The following MID1 variants were observed in gnomAD, a reference collection of about 807,000 sequenced individuals.
MID1 encodes the protein midline 1.
In MID1, 7 loss-of-function variants were observed where a neutral mutation model predicts 40.4. That is an observed-to-expected ratio of 0.17 (90% CI 0.10 to 0.33). MID1 has a LOEUF of 0.33. Ranked by LOEUF, MID1 falls within the 10% of genes least tolerant of loss-of-function variation. The pLI is 1.00. For missense variants in MID1, 367 were observed against 558.5 expected, an observed-to-expected ratio of 0.66 and a Z score of 3.46; for synonymous variants, 229 against 221.2, an observed-to-expected ratio of 1.04 and a Z score of -0.31.
chrX:10,505,345 G>A (rs1931777214), intron 3 of MID1: 1 of 751,564 alleles, frequency 1.3e-6, no homozygotes, highest in South Asian at 6.8e-5. Context: ...TTCTTTTTGT[G>A]TTTAATGGTA....
intron 1 of MID1, among the ~76,000 whole-genome samples, chrX:10,637,573 C>T (rs1203968643): frequency 2.5e-4 from 27 of 107,084 alleles, no homozygotes; most frequent in Non-Finnish European, 3.3e-4. Flanking sequence ...TGGAGTGAGC[C>T]GAGATTGCAC....
intron 3 of MID1, 60 bp from the exon 4 acceptor site, chrX:10,495,751 T>A: frequency 1.3e-6 from 1 of 755,577 alleles, no homozygotes; most frequent in African/African-American, 2.0e-5. Flanking sequence ...TTAAGTGCTA[T>A]TTTTAATGTA....
intron 1 of MID1, among the ~76,000 whole-genome samples, chrX:10,681,020 T>C (rs2043055661): frequency 1.1e-5 from 1 of 89,128 alleles, no homozygotes; most frequent in African/African-American, 4.2e-5. Flanking sequence ...AGCCAGACCC[T>C]GTCTCAATAA....
chrX:10,560,395 T>A (rs778305739), intron 2 of MID1, among the ~76,000 whole-genome samples: 5 of 111,212 alleles, frequency 4.5e-5, no homozygotes, highest in Admixed American at 9.6e-5. Context: ...GAGAAAGAAA[T>A]GATGGGTATT....
chrX:10,643,119 C>G (rs1270168586), intron 1 of MID1, among the ~76,000 whole-genome samples: 1 of 111,610 alleles, frequency 9.0e-6, no homozygotes, highest in Non-Finnish European at 1.9e-5. Context: ...GACTTCATGT[C>G]TAAAACACCA....
At chrX:10,484,598 G>T (rs1788864696) in intron 4 of MID1, among the ~76,000 whole-genome samples, 1 of 112,269 alleles carries the variant, frequency 8.9e-6, no homozygotes, top group Non-Finnish European at 1.9e-5. Context: ...TTTAGTTATA[G>T]GTTAGTGTAC....
At chrX:10,680,880 T>TA (rs1413762564) in intron 1 of MID1, among the ~76,000 whole-genome samples, 1 of 107,992 alleles carries the variant, frequency 9.3e-6, no homozygotes, top group Non-Finnish European at 1.9e-5. Flanking sequence ...AAAATAAAAA[T>TA]AAAAAAATGC....
chrX:10,519,890 A>G (rs1377174480), intron 3 of MID1, among the ~76,000 whole-genome samples: 1 of 112,194 alleles, frequency 8.9e-6, no homozygotes, highest in East Asian at 2.8e-4. Context: ...CAAGGGGAGC[A>G]CTTGTAAGTA....
intron 2 of MID1, among the ~76,000 whole-genome samples, chrX:10,546,809 C>T (rs1341932642): frequency 1.8e-5 from 2 of 112,031 alleles, no homozygotes; most frequent in Non-Finnish European, 3.8e-5. Flanking sequence ...GTGGAGTGAG[C>T]AAACTTAGGT....
At chrX:10,713,543 G>A (rs2043282598) in intron 1 of MID1, among the ~76,000 whole-genome samples, 1 of 111,121 alleles carries the variant, frequency 9.0e-6, no homozygotes, top group Admixed American at 9.5e-5. Context: ...GCCCAGGCTG[G>A]TCTCAAACTC....
chrX:10,570,525 C>G (rs943215621), intron 1 of MID1, among the ~76,000 whole-genome samples: 2 of 112,523 alleles, frequency 1.8e-5, no homozygotes, highest in Non-Finnish European at 3.7e-5. Context: ...TAGAACAGCA[C>G]TCAGCACACA....
chrX:10,486,506 A>C (rs1485974249), intron 4 of MID1, among the ~76,000 whole-genome samples: 1 of 111,625 alleles, frequency 9.0e-6, no homozygotes, highest in Non-Finnish European at 1.9e-5. Flanking sequence ...ACGGGTTGGC[A>C]TTCACACCCT....
intron 1 of MID1, among the ~76,000 whole-genome samples, chrX:10,711,024 C>T (rs1237663797): frequency 9.0e-6 from 1 of 111,643 alleles, no homozygotes; most frequent in Non-Finnish European, 1.9e-5. Flanking sequence ...TTTTCTCCTC[C>T]TCAATGATGG....
intron 1 of MID1, among the ~76,000 whole-genome samples, chrX:10,798,765 C>T (rs939777048): frequency 2.2e-4 from 24 of 111,444 alleles, no homozygotes; most frequent in Non-Finnish European, 2.1e-4. Flanking sequence ...AAAGCAAGAG[C>T]GTCTGTATTG....
At chrX:10,582,178 G>C (rs1287626245) in intron 1 of MID1, among the ~76,000 whole-genome samples, 2 of 111,464 alleles carry the variant, frequency 1.8e-5, no homozygotes, top group African/African-American at 6.5e-5. Flanking sequence ...GCAACTCCAA[G>C]CTTAGGAAAT....
chrX:10,754,607 T>C (rs978492965), intron 1 of MID1, among the ~76,000 whole-genome samples: 3 of 111,151 alleles, frequency 2.7e-5, no homozygotes, highest in African/African-American at 9.9e-5. Flanking sequence ...TGAGATCAAT[T>C]AAGCCTTCCC....
intron 1 of MID1, among the ~76,000 whole-genome samples, chrX:10,695,487 T>A (rs2043157306): frequency 8.9e-6 from 1 of 111,800 alleles, no homozygotes; most frequent in Non-Finnish European, 1.9e-5. Flanking sequence ...TGAATGCCCA[T>A]CTTCCACATC....
intron 1 of MID1, among the ~76,000 whole-genome samples, chrX:10,642,950 T>C (rs1800611545): frequency 1.8e-5 from 2 of 111,636 alleles, no homozygotes; most frequent in Non-Finnish European, 3.8e-5. Context: ...TTGGGAAAAC[T>C]GGCTAGCCAT....
chrX:10,501,856 T>C (rs1677637450), intron 3 of MID1, among the ~76,000 whole-genome samples: 1 of 111,918 alleles, frequency 8.9e-6, no homozygotes, highest in African/African-American at 3.3e-5. Flanking sequence ...GCCCAAAGTC[T>C]CCCTGCTAAG....
Sources: allele counts gnomAD v4.1 joint callset (sites outside exome capture counted in the v4.1 genomes callset), GRCh38; gene constraint gnomAD v4.1.1; transcripts MANE v1.5; gene names NCBI Gene and HGNC (gene_info 2026-07-23, HGNC 2026-07-21).